The following GARNL3 variants were observed in gnomAD, a reference collection of about 807,000 sequenced individuals.
The protein encoded by GARNL3 is GTPase activating Rap/RanGAP domain like 3.
A neutral mutation model predicts 125.0 loss-of-function variants in GARNL3; 63 were observed. The observed-to-expected ratio is 0.50, with a 90% CI of 0.41 to 0.62. GARNL3 has a LOEUF of 0.62. Ranked by LOEUF, GARNL3 falls within the 20% of genes least tolerant of loss-of-function variation. The pLI, the probability that GARNL3 is intolerant of heterozygous loss-of-function variation, is 0.00. For synonymous variants in GARNL3, 439 were observed against 457.5 expected (o/e 0.96, Z 0.52); for missense variants, 994 against 1,244.0 (o/e 0.80, Z 3.02).
intron 1 of GARNL3, among the ~76,000 whole-genome samples, chr9:127,267,985 A>G (rs536809139): frequency 6.6e-6 from 1 of 152,340 alleles, no homozygotes; most frequent in East Asian, 1.9e-4. Flanking sequence ...TTAGTTCTCT[A>G]GGTTTCCATC....
upstream of GARNL3, chr9:127,264,707 G>T (rs1015676267): frequency 1.7e-5 from 21 of 1,234,180 alleles, no homozygotes; most frequent in Non-Finnish European, 1.8e-5. Context: ...ATATTTAATT[G>T]AATCATTGCC....
chr9:127,333,189 C>T, intron 9 of GARNL3, 68 bp downstream of exon 9: 1 of 1,258,420 alleles, frequency 7.9e-7, no homozygotes, highest in Admixed American at 1.7e-5. Flanking sequence ...TGACCCGTGT[C>T]TGAACTTATA....
rs565723420 is a variant in GARNL3, at chr9:127,276,998, G to C, written c.144+11977G>C. Among the ~76,000 whole-genome samples the C allele has an allele frequency of 2.0e-5, 3 of 152,316 alleles. No homozygotes were observed. In the South Asian group the frequency reaches 6.2e-4, roughly 32 times the overall value. The stretch of plus-strand genomic sequence containing the variant: ...GGTCACACAACTGGTAAGTTGTAGG[G>C]GGTGTCCCCCAACTCCCATCCACAA... On this transcript the variant is annotated intron_variant, in intron 1 of 27. Coordinates refer to ENST00000373387, the MANE Select transcript of GARNL3 (RefSeq NM_032293.5).
chr9:127,319,214 A>G (rs566708284), intron 5 of GARNL3, among the ~76,000 whole-genome samples: 51 of 152,288 alleles, frequency 3.3e-4, no homozygotes, highest in Admixed American at 1.9e-3. Context: ...GCCGGGCGCA[A>G]TGGTGCACGC....
At position 127,264,876 on chromosome 9, in the gene GARNL3, A is replaced by C. The variant is rs1238930426; in HGVS notation, c.-2A>C. The C allele has an allele frequency of 6.4e-7, 1 of 1,573,136 alleles. No individual in the cohort carries two copies. Among genetic ancestry groups the C allele is most frequent in the Non-Finnish European group, 8.7e-7 (1 of 1,155,972 alleles). On this transcript the variant is annotated 5_prime_UTR_variant, in exon 1 of 28. Transcript: ENST00000373387. ...TCTGTTCCATAGCAGCCCTTTTTGC[A>C]AATGGTAGTTGATTTTTGCAGAAGG... is the stretch of plus-strand genomic sequence containing the variant.
intron 2 of GARNL3, 32 bp downstream of exon 2, chr9:127,291,274 A>G: frequency 1.3e-6 from 2 of 1,573,872 alleles, no homozygotes; most frequent in Non-Finnish European, 1.7e-6. Flanking sequence ...CTGTAATGCC[A>G]CCAAGCACAT....
In GARNL3 at chr9:127,333,252, A is replaced by G. The variant is rs1289361563; in HGVS notation, c.769+131A>G. On this transcript the variant is annotated intron_variant, in intron 9 of 27. Transcript: ENST00000373387. Reference sequence around the variant, plus strand: ...AGAAGACTGGAGGGAGGTGAGCTCCACACCCTGTTCAACATAGAGTCATGG... The same window carrying G: ...AGAAGACTGGAGGGAGGTGAGCTCCGCACCCTGTTCAACATAGAGTCATGG... The G allele has an allele frequency of 4.4e-6, 3 of 689,144 alleles. No individual in the cohort carries two copies. In the East Asian group the frequency reaches 8.1e-5, roughly 19 times the overall value. 42.7% of individuals were successfully genotyped at this position (689,144 alleles called of 1,614,324 possible).
Position 127,285,207 on chromosome 9 carries a change from G to A in GARNL3, c.145-5961G>A, listed in dbSNP as rs192447232. ...GGCACTTTGGGAGGCCGAGGTGGGC[G>A]GATCACCTGAGGTCGGGAGTTTGAG... On this transcript the variant is annotated intron_variant, in intron 1 of 27. Coordinates refer to ENST00000373387, the MANE Select transcript of GARNL3 (RefSeq NM_032293.5). 1.8e-4 allele frequency among the ~76,000 whole-genome samples: 28 copies of A among 152,258 alleles called. No homozygotes were observed. In the East Asian group the frequency reaches 4.8e-3, roughly 26 times the overall value.
chr9:127,231,050 ATTTTT>A (rs71308298), intron 1 of GARNL3, among the ~76,000 whole-genome samples: 13 of 89,542 alleles, frequency 1.5e-4, no homozygotes, highest in East Asian at 8.7e-4. Flanking sequence ...ATATATATAT[ATTTTT>A]TTTTTTTTTT....
At chr9:127,255,073 A>C (rs187532667) in intron 2 of GARNL3, among the ~76,000 whole-genome samples, 1 of 152,356 alleles carries the variant, frequency 6.6e-6, no homozygotes, top group East Asian at 1.9e-4. Context: ...TGGCGTACTC[A>C]CTTCGGAAAG....
At chr9:127,362,506 C>T (rs1173938667) in intron 21 of GARNL3, 1 of 152,320 alleles carries the variant, frequency 6.6e-6, no homozygotes, top group African/African-American at 2.4e-5. Context: ...ACCATGTTCC[C>T]ACAGCTGGTG....
chr9:127,256,223 G>T (rs1408638135), intron 2 of GARNL3, among the ~76,000 whole-genome samples: 1 of 152,170 alleles, frequency 6.6e-6, no homozygotes, highest in Non-Finnish European at 1.5e-5. Flanking sequence ...AGAAGCCAAG[G>T]TTGCTGTCAC....
At chr9:127,287,162 G>T (rs2064274225) in intron 1 of GARNL3, among the ~76,000 whole-genome samples, 1 of 152,202 alleles carries the variant, frequency 6.6e-6, no homozygotes, top group African/African-American at 2.4e-5. Flanking sequence ...GGGAAATGGG[G>T]TCTAGCTTTG....
chr9:127,267,155 A>T (rs17377931), intron 1 of GARNL3, among the ~76,000 whole-genome samples: 3,300 of 152,284 alleles, frequency 0.022, 56 homozygotes, highest in Middle Eastern at 0.037. Context: ...CCTTGGCCTG[A>T]TGAGGCATCC....
upstream of GARNL3, among the ~76,000 whole-genome samples, chr9:127,262,716 T>A (rs1176260301): frequency 6.6e-6 from 1 of 152,094 alleles, no homozygotes; most frequent in African/African-American, 2.4e-5. Context: ...GTAGAAGAGG[T>A]GCTGTCAGGC....
rs75324173 is a variant in GARNL3 at position 127,354,379 on chromosome 9, C to T, written c.1728C>T (p.Asp576=). The T allele has an allele frequency of 1.2e-6, 2 of 1,612,524 alleles. No homozygotes were observed. Among genetic ancestry groups the T allele is most frequent in the South Asian group, 2.2e-5 (2 of 90,950 alleles). The stretch of plus-strand genomic sequence containing the variant: ...AGCAGGCTGGGAAGAGCAGGTCTGA[C>T]TGCAGAGAAAACAAGTTGGAGAAAA... ...EGKQAGKSRS[D]CRENKLEKTK... Residue 576 remains aspartate, a synonymous_variant, in exon 19 of 28, where the codon GAC becomes GAT. Transcript: ENST00000373387.
At chr9:127,262,290 G>T (rs993947316), upstream of GARNL3, among the ~76,000 whole-genome samples, 1 of 152,210 alleles carries the variant, frequency 6.6e-6, no homozygotes, top group Non-Finnish European at 1.5e-5. Context: ...TAGTACAGAT[G>T]TTTTTTGTGG....
At chr9:127,273,610 T>C (rs554967110) in intron 1 of GARNL3, among the ~76,000 whole-genome samples, 3 of 152,318 alleles carry the variant, frequency 2.0e-5, no homozygotes, top group South Asian at 2.1e-4. Context: ...TCTTGACTTG[T>C]ACCATGGCAT....
In GARNL3 at chr9:127,348,966, G is replaced by A. The variant is rs1253026371; in HGVS notation, c.1474G>A (p.Ala492Thr). The change falls in exon 17 of 28, where the codon GCC becomes ACC. Residue 492 changes from alanine (A) to threonine (T), a missense_variant. Physicochemically the swap from Ala to Thr is moderately conservative, Grantham distance 58. Coordinates refer to ENST00000373387, the MANE Select transcript of GARNL3 (RefSeq NM_032293.5). ...TTTCTGCAGTAATTTCCCTCATGAA[G>A]CCGTGTGTGCAGATCCCTGGGGCCA... ...QCFCSNFPHEAVCADPWGQAL... is the reference protein window; with the variant it reads ...QCFCSNFPHETVCADPWGQAL... The A allele has an allele frequency of 1.9e-6, 3 of 1,613,670 alleles. No individual in the cohort carries two copies. Among genetic ancestry groups the A allele is most frequent in the Non-Finnish European group, 2.5e-6 (3 of 1,179,932 alleles).
Sources: allele counts gnomAD v4.1 joint callset (sites outside exome capture counted in the v4.1 genomes callset), GRCh38; gene constraint gnomAD v4.1.1; transcripts MANE v1.5; gene names NCBI Gene and HGNC (gene_info 2026-07-23, HGNC 2026-07-21).